Variants in ELK4 observed in about 807,000 individuals in gnomAD.
ELK4 encodes the protein ETS transcription factor ELK4.
Under a neutral mutation model 29.6 loss-of-function variants are expected in ELK4, and 16 were observed. That is an observed-to-expected ratio of 0.54 (90% CI 0.37 to 0.82). The LOEUF (loss-of-function observed/expected upper bound fraction) is 0.82, where lower values mean the gene tolerates loss of function less well. Among genes scored for constraint, ELK4 ranks in the 40% least tolerant of loss-of-function variants. The probability of loss-of-function intolerance (pLI) is 0.00; values close to 1 mark genes in which losing one functional copy is unlikely to be tolerated. For missense variants in ELK4, 465 were observed against 507.1 expected, an observed-to-expected ratio of 0.92 and a Z score of 0.80; for synonymous variants, 213 against 191.1, an observed-to-expected ratio of 1.11 and a Z score of -0.95.
rs113271642 is a variant in ELK4 at position 205,625,575 on chromosome 1, G to T, written c.-9-1684C>A. 8 of 1,037,728 alleles carry T rather than the reference G, an allele frequency of 7.7e-6. 1 individual carries two copies. The Admixed American group carries it at 1.4e-4, about 18-fold the overall frequency. The allele number at this position is 1,037,728 out of a possible 1,614,324, so 64.3% of individuals were successfully genotyped here. ...AAAGAAATACCCGGACCGGGTGCCGGTGATAGTAGAAAAGGCTCCCAAAGC... is the reference window on the plus strand; with the variant it reads ...AAAGAAATACCCGGACCGGGTGCCGTTGATAGTAGAAAAGGCTCCCAAAGC... On this transcript the variant is annotated intron_variant, in intron 1 of 4. Transcript: ENST00000357992.
Position 205,626,097 on chromosome 1 carries a change from C to T in ELK4, c.-9-2206G>A, listed in dbSNP as rs373406184. The T allele has an allele frequency of 3.2e-5, 28 of 888,048 alleles. No homozygotes were observed. In the East Asian group the frequency reaches 4.9e-4, roughly 16 times the overall value. The allele number at this position is 888,048 out of a possible 1,614,324, so 55.0% of individuals were successfully genotyped here. On this transcript the variant is annotated intron_variant, in intron 1 of 4. Transcript: ENST00000357992. ...AATGGGTCAGCTCTACCAGGAACAC[C>T]ATGAAGACTTCTTTCTCTACGTTGC... is the stretch of plus-strand genomic sequence containing the variant.
Position 205,623,741 on chromosome 1 carries a change from G to A in ELK4, c.142C>T (p.Arg48Cys), listed in dbSNP as rs376312178. 44 of 1,613,978 alleles carry A rather than the reference G, an allele frequency of 2.7e-5. No homozygotes were observed. The African/African-American group carries it at 4.4e-4, about 16-fold the overall frequency. Residue 48 changes from arginine to cysteine, a missense_variant, in exon 2 of 5, where the codon CGC becomes TGC. By Grantham distance (180) the Arg-to-Cys change is radical. This residue lies in a region of ELK4 where 385 missense variants were observed against 387.5 expected (regional missense o/e 0.99). Coordinates refer to ENST00000357992, the MANE Select transcript of ELK4 (RefSeq NM_001973.4). Reference sequence around the variant, plus strand: ...TAATTCATGTTAGGCTTGTTCTTGCGAATCCCCCAGAGACGAGCCACCTCT... The same window carrying A: ...TAATTCATGTTAGGCTTGTTCTTGCAAATCCCCCAGAGACGAGCCACCTCT... ...AEEVARLWGI[R>C]KNKPNMNYDK...
rs900607917 is a variant in ELK4, at chr1:205,610,036, G to A, written c.*6510C>T. The A allele has an allele frequency of 8.6e-6, 2 of 231,330 alleles. No individual in the cohort carries two copies. The highest frequency in any genetic ancestry group is 4.4e-5 in the African/African-American group (2 of 45,246). 14.3% of individuals were successfully genotyped at this position (231,330 alleles called of 1,614,324 possible). The stretch of plus-strand genomic sequence containing the variant: ...GCTTCCAGTTATTAAAAATGAAACA[G>A]TGCTAATATTGGTGCCCAAGAAAGT... On this transcript the variant is annotated 3_prime_UTR_variant, in exon 5 of 5. Coordinates refer to ENST00000357992, the MANE Select transcript of ELK4 (RefSeq NM_001973.4).
intron 2 of ELK4, 45 bp from the exon 3 acceptor site, chr1:205,620,883 T>TA: frequency 6.5e-7 from 1 of 1,533,898 alleles, no homozygotes; most frequent in Non-Finnish European, 8.7e-7. Flanking sequence ...CTTATAAACT[T>TA]ATATCCCATA....
In ELK4 at chr1:205,615,538, G is replaced by A. The variant is rs1220700977; in HGVS notation, c.*1008C>T. On this transcript the variant is annotated 3_prime_UTR_variant, in exon 5 of 5. Coordinates refer to ENST00000357992, the MANE Select transcript of ELK4 (RefSeq NM_001973.4). ...TAAACATAAAGGAAAGGTGATAAAT[G>A]TATAGTAGAAAATGAGGTAAAATGA... The A allele has an allele frequency of 5.3e-6, 1 of 187,204 alleles. No homozygotes were observed. The highest frequency in any genetic ancestry group is 1.1e-5 in the Non-Finnish European group (1 of 89,008). The allele number at this position is 187,204 out of a possible 1,614,324, so 11.6% of individuals were successfully genotyped here.
In ELK4 at chr1:205,616,285, AAAGG is replaced by A. The variant is rs1056410583; in HGVS notation, c.*257_*260del. 1.7e-4 allele frequency: 59 copies of A among 355,882 alleles called. No individual in the cohort carries two copies. The highest frequency in any genetic ancestry group is 8.9e-4 in the African/African-American group (44 of 49,676). 22.0% of individuals were successfully genotyped at this position (355,882 alleles called of 1,614,324 possible). A position where few individuals can be genotyped will look rare whatever the true frequency, so the allele number is the denominator to read the frequency against. On this transcript the variant is annotated 3_prime_UTR_variant, in exon 5 of 5. Coordinates refer to ENST00000357992, the MANE Select transcript of ELK4 (RefSeq NM_001973.4). ...CAAAATATTTTTAAAGGAGAAAAGA[AAAGG>A]AAGGAAGGAAAGAAAAAGAAAAGGA...
chr1:205,620,168 G>A lies in ELK4; in HGVS notation c.878C>T (p.Pro293Leu). 1 of 1,614,198 alleles carries A rather than the reference G, an allele frequency of 6.2e-7. No individual in the cohort carries two copies. Among genetic ancestry groups the A allele is most frequent in the Non-Finnish European group, 8.5e-7 (1 of 1,180,032 alleles). The change falls in exon 3 of 5, where the codon CCA becomes CTA. Residue 293 changes from proline (P) to leucine (L), a missense_variant. Pro to Leu is a moderately conservative substitution (Grantham distance 98). Transcript: ENST00000357992. Reference protein sequence around the residue: ...DSVASQPMELPENLSLEPKDQ... With the variant: ...DSVASQPMELLENLSLEPKDQ... ...TTTAGGCTCCAGTGACAAATTCTCT[G>A]GAAGTTCCATTGGCTGAGAAGCCAC...
chr1:205,608,690 G>A lies in ELK4; in HGVS notation c.*7856C>T, dbSNP rs918642076. 9 of 193,442 alleles carry A rather than the reference G, an allele frequency of 4.7e-5. No homozygotes were observed. Among genetic ancestry groups the A allele is most frequent in the African/African-American group, 2.1e-4 (9 of 43,092 alleles). 12.0% of individuals were successfully genotyped at this position (193,442 alleles called of 1,614,324 possible). A position where few individuals can be genotyped will look rare whatever the true frequency, so the allele number is the denominator to read the frequency against. ...CTTTAACAGTTATCCATTCCTCTGG[G>A]TAGGTGTGCACTTACATTATATGTA... is the stretch of plus-strand genomic sequence containing the variant. On this transcript the variant is annotated 3_prime_UTR_variant, in exon 5 of 5. Coordinates refer to ENST00000357992, the MANE Select transcript of ELK4 (RefSeq NM_001973.4).
At chr1:205,624,352 G>A (rs755973851) in intron 1 of ELK4, among the ~76,000 whole-genome samples, 3 of 151,222 alleles carry the variant, frequency 2.0e-5, no homozygotes, top group African/African-American at 4.9e-5. Flanking sequence ...AAATCAACCC[G>A]GTTTGGTTAT....
intron 4 of ELK4, 23 bp from the exon 5 acceptor site, chr1:205,616,667 T>A: frequency 6.2e-7 from 1 of 1,601,980 alleles, no homozygotes; most frequent in Non-Finnish European, 8.6e-7. Flanking sequence ...ACAAAACACA[T>A]TATCATCCTA....
At chr1:205,621,072 G>A (rs1670336002) in intron 2 of ELK4, among the ~76,000 whole-genome samples, 2 of 151,762 alleles carry the variant, frequency 1.3e-5, no homozygotes, top group Non-Finnish European at 2.9e-5. Flanking sequence ...GCGTGCGCCT[G>A]TAGTCCCAGC....
At position 205,631,621 on chromosome 1, in the gene ELK4, T is replaced by TGACCGCTCACCGACGCC. The variant is rs1670592273; in HGVS notation, c.-16_-10+10dup. The TGACCGCTCACCGACGCC allele has an allele frequency of 3.2e-6, 1 of 308,712 alleles. No homozygotes were observed. The highest frequency in any genetic ancestry group is 2.3e-5 in the African/African-American group (1 of 44,094). 19.1% of individuals were successfully genotyped at this position (308,712 alleles called of 1,614,324 possible). On this transcript the variant is annotated intron_variant, in intron 1 of 4. Transcript: ENST00000357992. ...GAGATCCCGAGGGGGCGCGCGGGGCTGACCGCTCACCGACGCCGCGCGCGG... is the reference window on the plus strand; with the variant it reads ...GAGATCCCGAGGGGGCGCGCGGGGCTGACCGCTCACCGACGCCGACCGCTCACCGACGCCGCGCGCGG...
At position 205,617,984 on chromosome 1, in the gene ELK4, T is replaced by A. The variant is rs113588465; in HGVS notation, c.1197+973A>T. Among the ~76,000 whole-genome samples the A allele has an allele frequency of 2.9e-3, 379 of 131,420 alleles. 3 individuals carry two copies. Among genetic ancestry groups the A allele is most frequent in the African/African-American group, 7.9e-3 (292 of 36,756 alleles). 86.2% of individuals were successfully genotyped at this position (131,420 alleles called of 152,430 possible). ...CCATATATGTGTGTGTGTGTGTGTG[T>A]GAGAGAGAGAGAGAGCAAGAGAGAG... On this transcript the variant is annotated intron_variant, in intron 4 of 4. Transcript: ENST00000357992.
intron 1 of ELK4, chr1:205,625,486 A>C (rs767013904): frequency 1.4e-5 from 10 of 698,284 alleles, no homozygotes; most frequent in Middle Eastern, 5.5e-4. Context: ...CAACAGGATG[A>C]AATTCGTGTA....
chr1:205,625,325 C>T (rs1477952566), intron 1 of ELK4, among the ~76,000 whole-genome samples: 4 of 150,970 alleles, frequency 2.6e-5, no homozygotes, highest in African/African-American at 7.3e-5. Context: ...TTTGAAAAGA[C>T]ATCATAGCAA....
rs986511684 is a variant in ELK4, at chr1:205,631,981, C to G, written c.-359G>C. 2 of 151,882 alleles carry G rather than the reference C, an allele frequency of 1.3e-5. No individual in the cohort carries two copies. Among genetic ancestry groups the G allele is most frequent in the South Asian group, 2.1e-4 (1 of 4,826 alleles). The allele number at this position is 151,882 out of a possible 1,614,324, so 9.4% of individuals were successfully genotyped here. The stretch of plus-strand genomic sequence containing the variant: ...CGGCCGCCGCCACTCTCAAACCCCC[C>G]GACTGCTCCTGGGTCCCTCCCAGAC... On this transcript the variant is annotated 5_prime_UTR_variant, in exon 1 of 5. Coordinates refer to ENST00000357992, the MANE Select transcript of ELK4 (RefSeq NM_001973.4).
chr1:205,612,777 G>T lies in ELK4; in HGVS notation c.*3769C>A. Reference sequence around the variant, plus strand: ...CTGAAGTGATACTATCAACAGCCTGGAGTTACAGCTCCAGAATTCCAAACC... The same window carrying T: ...CTGAAGTGATACTATCAACAGCCTGTAGTTACAGCTCCAGAATTCCAAACC... On this transcript the variant is annotated 3_prime_UTR_variant, in exon 5 of 5. Coordinates refer to ENST00000357992, the MANE Select transcript of ELK4 (RefSeq NM_001973.4). 4.8e-6 allele frequency: 1 copy of T among 209,450 alleles called. No individual in the cohort carries two copies. Among genetic ancestry groups the T allele is most frequent in the Non-Finnish European group, 9.7e-6 (1 of 103,054 alleles). The allele number at this position is 209,450 out of a possible 1,614,324, so 13.0% of individuals were successfully genotyped here.
At chr1:205,624,879 A>C (rs1271875936) in intron 1 of ELK4, among the ~76,000 whole-genome samples, 1 of 152,212 alleles carries the variant, frequency 6.6e-6, no homozygotes, top group African/African-American at 2.4e-5. Context: ...GGTTTAGGCA[A>C]AGGAGCAGCA....
At position 205,623,789 on chromosome 1, in the gene ELK4, G is replaced by A. The variant is rs1289334360; in HGVS notation, c.94C>T (p.Gln32Ter). 1 of 1,614,172 alleles carries A rather than the reference G, an allele frequency of 6.2e-7. No individual in the cohort carries two copies. Among genetic ancestry groups the A allele is most frequent in the Admixed American group, 1.7e-5 (1 of 60,022 alleles). Residue 32 changes from glutamine to a stop codon, truncating the protein, a stop_gained, in exon 2 of 5, where the codon CAG becomes TAG. Coordinates refer to ENST00000357992, the MANE Select transcript of ELK4 (RefSeq NM_001973.4). LOFTEE classifies it high-confidence loss of function. ...HMICWTSNDG[Q>*]FKLLQAEEVA... ...TCTTCTGCCTGCAAAAGCTTAAACT[G>A]CCCATCATTAGAGGTCCAACAGATC...
Sources: gnomAD v4.1 joint callset for allele counts (sites outside exome capture counted in the v4.1 genomes callset) on GRCh38, gnomAD v4.1.1 for gene constraint, gnomAD v4.1.1 regional missense constraint, MANE v1.5 for transcripts, NCBI Gene and HGNC (gene_info 2026-07-23, HGNC 2026-07-21) for gene names.